Variants in PLB1 observed in about 807,000 individuals in gnomAD.
PLB1 encodes the protein phospholipase B1, also known as phospholipase B1, membrane-associated.
A neutral mutation model predicts 227.4 loss-of-function variants in PLB1; 242 were observed. The ratio of observed to expected loss-of-function variants is 1.06; its 90% CI spans 0.96 to 1.18. PLB1 has a LOEUF of 1.18. PLB1 is among the 50% of genes most tolerant of loss of function. PLB1 has a pLI of 0.00. For synonymous variants in PLB1, 757 were observed against 682.2 expected (o/e 1.11, Z -1.71); for missense variants, 1,858 against 1,816.3 (o/e 1.02, Z -0.42).
chr2:28,605,917 C>T lies in PLB1; in HGVS notation c.3026C>T (p.Ser1009Phe), dbSNP rs764524992. Reference sequence around the variant, plus strand: ...ATCCACCCAAATCAGAAATTCCACTCCCAGCTGGCCAGAGCCCTTTGGACC... The same window carrying T: ...ATCCACCCAAATCAGAAATTCCACTTCCAGCTGGCCAGAGCCCTTTGGACC... ...DCIHPNQKFH[S>F]QLARALWTNM... is the part of the protein sequence containing the mutation. The change falls in exon 42 of 58, where the codon TCC becomes TTC. Residue 1009 changes from serine to phenylalanine, a missense_variant. Transcript: ENST00000327757. The T allele has an allele frequency of 6.2e-6, 10 of 1,613,604 alleles. No homozygotes were observed. The East Asian group carries it at 1.1e-4, about 18-fold the overall frequency.
intron 16 of PLB1, among the ~76,000 whole-genome samples, chr2:28,552,670 C>CA (rs1674433994): frequency 6.6e-6 from 1 of 152,102 alleles, no homozygotes; most frequent in African/African-American, 2.4e-5. Flanking sequence ...TGAATCATTG[C>CA]AATATCCTGG....
rs536476788 is a variant in PLB1, at chr2:28,554,489, C to CTTTTTTTTTTTTTTTTTTTTT, written c.1147+1507_1147+1527dup. ...CTACAGGCATTATCACCACACCTGCCTTTTTTTTTTTTTTTTTTTTTTTTT... is the reference window on the plus strand; with the variant it reads ...CTACAGGCATTATCACCACACCTGCCTTTTTTTTTTTTTTTTTTTTTTTTTTTTTTTTTTTTTTTTTTTTTT... On this transcript the variant is annotated intron_variant, in intron 17 of 57. Coordinates refer to ENST00000327757, the MANE Select transcript of PLB1 (RefSeq NM_153021.5). Among the ~76,000 whole-genome samples, 69 of 85,436 alleles carry CTTTTTTTTTTTTTTTTTTTTT rather than the reference C, an allele frequency of 8.1e-4. 5 individuals are homozygous for CTTTTTTTTTTTTTTTTTTTTT. Among genetic ancestry groups the CTTTTTTTTTTTTTTTTTTTTT allele is most frequent in the African/African-American group, 1.5e-3 (29 of 18,740 alleles). 56.0% of individuals were successfully genotyped at this position (85,436 alleles called of 152,430 possible).
intron 4 of PLB1, among the ~76,000 whole-genome samples, chr2:28,523,014 T>G (rs1315413432): frequency 6.6e-6 from 1 of 152,214 alleles, no homozygotes; most frequent in Non-Finnish European, 1.5e-5. Flanking sequence ...AACCTAGGTA[T>G]ACGCACTTCT....
At chr2:28,551,837 A>C (rs7598742) in intron 16 of PLB1, among the ~76,000 whole-genome samples, 134,421 of 152,232 alleles carry the variant, frequency 0.88, 59,697 homozygotes, top group East Asian at 0.99. Flanking sequence ...AAGTATTGCT[A>C]TCATTATCAT....
chr2:28,496,258 G>A, intron 1 of PLB1, 89 bp downstream of exon 1: 1 of 1,313,036 alleles, frequency 7.6e-7, no homozygotes, highest in Non-Finnish European at 1.1e-6. Flanking sequence ...TGAGAGGAGT[G>A]TGTGCTTTTG....
chr2:28,514,273 G>C (rs150197569), intron 1 of PLB1, among the ~76,000 whole-genome samples: 19 of 152,078 alleles, frequency 1.2e-4, no homozygotes, highest in African/African-American at 4.6e-4. Context: ...TTATTTCTGG[G>C]CTCTGTATTC....
chr2:28,623,046 G>GT (rs11427722), intron 49 of PLB1, among the ~76,000 whole-genome samples: 62,395 of 151,992 alleles, frequency 0.41, 13,309 homozygotes, highest in African/African-American at 0.54. Context: ...GCAGTGCTTC[G>GT]CATGGAGTAC....
intron 17 of PLB1, among the ~76,000 whole-genome samples, chr2:28,558,665 G>A (rs1675540191): frequency 6.6e-6 from 1 of 151,674 alleles, no homozygotes; most frequent in Non-Finnish European, 1.5e-5. Flanking sequence ...TGTGTGCATG[G>A]TGCATATGTG....
In PLB1 at chr2:28,589,510, G is replaced by A; in HGVS notation, c.1876G>A (p.Val626Ile). 1 of 1,614,214 alleles carries A rather than the reference G, an allele frequency of 6.2e-7. No individual in the cohort carries two copies. Among genetic ancestry groups the A allele is most frequent in the Non-Finnish European group, 8.5e-7 (1 of 1,180,042 alleles). The change falls in exon 27 of 58, where the codon GTT (valine) becomes ATT (isoleucine). Residue 626 changes from valine to isoleucine, a missense_variant. Physicochemically the swap from Val to Ile is conservative, Grantham distance 29 (BLOSUM62 3). Transcript: ENST00000327757. ...RYDTREDFTV[V>I]VQPFFENVDM... ...TGACACAAGGGAAGATTTTACTGTG[G>A]TTGTGCAGCCGTTCTTTGAAAACGT... is the stretch of plus-strand genomic sequence containing the variant.
chr2:28,529,423 G>GTC lies in PLB1; in HGVS notation c.416+24_416+25dup. ...ATGGTGCTGAGTAAGTTCCCTTTCTGTCTCTCTCTGAGGTTATGTGTTCCT... is the reference window on the plus strand; with the variant it reads ...ATGGTGCTGAGTAAGTTCCCTTTCTGTCTCTCTCTCTGAGGTTATGTGTTCCT... On this transcript the variant is annotated intron_variant, in intron 7 of 57. Transcript: ENST00000327757. 1 of 1,562,860 alleles carries GTC rather than the reference G, an allele frequency of 6.4e-7. No individual in the cohort carries two copies. Among genetic ancestry groups the GTC allele is most frequent in the Non-Finnish European group, 8.8e-7 (1 of 1,133,660 alleles).
chr2:28,620,627 T>C lies in PLB1; in HGVS notation c.3411T>C (p.Thr1137=). The part of the protein sequence containing the change: ...WSIGGDGNLE[T]HTTLPNILKK... ...TTGGAGGGGATGGGAACTTGGAGAC[T>C]CACACCACACTGCCCAGTAAGTAGC... The change falls in exon 48 of 58, where the codon ACT becomes ACC. Residue 1137 remains threonine, a synonymous_variant. Transcript: ENST00000327757. 6.2e-7 allele frequency: 1 copy of C among 1,613,908 alleles called. No individual in the cohort carries two copies. The highest frequency in any genetic ancestry group is 8.5e-7 in the Non-Finnish European group (1 of 1,179,930).
rs370798403 is a variant in PLB1, at chr2:28,632,170, C to T, written c.4002+30C>T. On this transcript the variant is annotated intron_variant, in intron 55 of 57. Coordinates refer to ENST00000327757, the MANE Select transcript of PLB1 (RefSeq NM_153021.5). ...GCTGCAGGTATTTTAGGGAGGCTCA[C>T]GTATGGGGGCCTTATCACAGACGAT... 3.2e-4 allele frequency: 493 copies of T among 1,545,706 alleles called. 1 individual carries two copies. Among genetic ancestry groups the T allele is most frequent in the Middle Eastern group, 5.0e-4 (3 of 5,954 alleles).
chr2:28,612,769 A>AT (rs10557060), intron 43 of PLB1, among the ~76,000 whole-genome samples: 5,214 of 124,880 alleles, frequency 0.042, 163 homozygotes, highest in Non-Finnish European at 0.062. Context: ...CCACACCTGG[A>AT]TTTTTTTTTT....
At chr2:28,546,484 G>A (rs1558723569) in intron 14 of PLB1, among the ~76,000 whole-genome samples, 2 of 152,274 alleles carry the variant, frequency 1.3e-5, no homozygotes, top group East Asian at 1.9e-4. Context: ...GCAGGAAGCC[G>A]TGCTGGGGAG....
chr2:28,553,536 T>C (rs1674560598), intron 17 of PLB1, among the ~76,000 whole-genome samples: 1 of 152,234 alleles, frequency 6.6e-6, no homozygotes, highest in South Asian at 2.1e-4. Flanking sequence ...AAAGACGGTC[T>C]GCCTGAGGGC....
intron 20 of PLB1, among the ~76,000 whole-genome samples, chr2:28,568,772 G>C (rs1301942773): frequency 6.6e-6 from 1 of 152,188 alleles, no homozygotes; most frequent in Non-Finnish European, 1.5e-5. Context: ...CTGAAAAGGA[G>C]CGTCAAGAAT....
At chr2:28,546,287 C>T (rs540242910) in intron 14 of PLB1, among the ~76,000 whole-genome samples, 3 of 152,326 alleles carry the variant, frequency 2.0e-5, no homozygotes, top group African/African-American at 7.2e-5. Context: ...CTTTAGGGAA[C>T]TGATGTCCCT....
chr2:28,543,860 CTG>C (rs1287438855), intron 14 of PLB1, among the ~76,000 whole-genome samples: 2 of 152,180 alleles, frequency 1.3e-5, no homozygotes, highest in East Asian at 1.9e-4. Flanking sequence ...TTTACTGTAA[CTG>C]TAACAGGATA....
In PLB1 at chr2:28,520,087, C is replaced by T. The variant is rs1354534893; in HGVS notation, c.243+324C>T. ...GGGATTACAGGCATGCGCCACCATGCCTGGCTAGTTTTGTATTTTTAGTAG... is the reference window on the plus strand; with the variant it reads ...GGGATTACAGGCATGCGCCACCATGTCTGGCTAGTTTTGTATTTTTAGTAG... On this transcript the variant is annotated intron_variant, in intron 4 of 57. Transcript: ENST00000327757. 2.6e-5 allele frequency among the ~76,000 whole-genome samples: 4 copies of T among 152,104 alleles called. No individual in the cohort carries two copies. In the East Asian group the frequency reaches 7.7e-4, roughly 29 times the overall value.
Sources: allele counts gnomAD v4.1 joint callset (sites outside exome capture counted in the v4.1 genomes callset), GRCh38; gene constraint gnomAD v4.1.1; transcripts MANE v1.5; gene names NCBI Gene and HGNC (gene_info 2026-07-23, HGNC 2026-07-21).